The following MCF2L2 variants were observed in gnomAD, a reference collection of about 807,000 sequenced individuals.
The protein encoded by MCF2L2 is probable guanine nucleotide exchange factor MCF2L2.
A neutral mutation model predicts 150.2 loss-of-function variants in MCF2L2; 102 were observed. The observed-to-expected ratio is 0.68, with a 90% CI of 0.58 to 0.80. The LOEUF is 0.80. Among genes scored for constraint, MCF2L2 ranks in the 30% least tolerant of loss-of-function variants. The pLI is 0.00. For missense variants in MCF2L2, 1,256 were observed against 1,372.8 expected, an observed-to-expected ratio of 0.91 and a Z score of 1.34; for synonymous variants, 465 against 491.3, an observed-to-expected ratio of 0.95 and a Z score of 0.71.
intron 17 of MCF2L2, among the ~76,000 whole-genome samples, chr3:183,228,725 T>C (rs531449075): frequency 1.3e-4 from 20 of 152,148 alleles, no homozygotes; most frequent in Non-Finnish European, 2.6e-4. Flanking sequence ...GCTGTTCGGG[T>C]AATTCTAAGC....
intron 15 of MCF2L2, among the ~76,000 whole-genome samples, chr3:183,261,049 T>C (rs538917298): frequency 1.3e-5 from 2 of 152,368 alleles, no homozygotes; most frequent in Non-Finnish European, 2.9e-5. Context: ...TGCAAAGATA[T>C]CTAATGTTTC....
At chr3:183,299,827 G>A (rs1372385327) in intron 11 of MCF2L2, 178 bp downstream of exon 11, 15 of 612,178 alleles carry the variant, frequency 2.5e-5, no homozygotes, top group South Asian at 8.9e-5. Context: ...TTTTACCTTC[G>A]TGCCAGGTAT....
At position 183,276,805 on chromosome 3, in the gene MCF2L2, G is replaced by A. The variant is rs1009007683; in HGVS notation, c.1862+67C>T. ...GAAAGACAGGTGCTGAGGTGTAAAA[G>A]AGAGGATCCTCGCCACCCATGCCCC... is the stretch of plus-strand genomic sequence containing the variant. On this transcript the variant is annotated intron_variant, in intron 15 of 29. Coordinates refer to ENST00000328913, the MANE Select transcript of MCF2L2 (RefSeq NM_015078.4). 58 of 1,088,356 alleles carry A rather than the reference G, an allele frequency of 5.3e-5. No individual in the cohort carries two copies. The African/African-American group carries it at 8.7e-4, about 16-fold the overall frequency. The allele number at this position is 1,088,356 out of a possible 1,614,324, so 67.4% of individuals were successfully genotyped here.
intron 3 of MCF2L2, among the ~76,000 whole-genome samples, chr3:183,363,103 C>CAT (rs922149565): frequency 2.0e-5 from 3 of 151,968 alleles, no homozygotes; most frequent in Non-Finnish European, 4.4e-5. Context: ...GAGATACTAC[C>CAT]ATATATATAT....
chr3:183,359,004 T>TTTTTG (rs1711963908), intron 3 of MCF2L2, among the ~76,000 whole-genome samples: 1 of 96,322 alleles, frequency 1.0e-5, no homozygotes, highest in African/African-American at 5.1e-5. Flanking sequence ...GTTCATTGGG[T>TTTTTG]TTTTTTTTTT....
chr3:183,271,511 T>G (rs1308577569), intron 15 of MCF2L2: 1 of 167,118 alleles, frequency 6.0e-6, no homozygotes, highest in African/African-American at 2.4e-5. Flanking sequence ...ACCACATCCA[T>G]GTAGCTACTG....
At chr3:183,364,589 A>T (rs1712417416) in intron 3 of MCF2L2, among the ~76,000 whole-genome samples, 2 of 152,148 alleles carry the variant, frequency 1.3e-5, no homozygotes, top group African/African-American at 4.8e-5. Flanking sequence ...AATAGATCTA[A>T]TTAGTAAATC....
At chr3:183,323,408 A>C in intron 5 of MCF2L2, 57 bp from the exon 6 acceptor site, 1 of 820,750 alleles carries the variant, frequency 1.2e-6, no homozygotes, top group Non-Finnish European at 2.1e-6. Flanking sequence ...ATAATAGCTC[A>C]TTTACATTCT....
At chr3:183,289,566 T>G (rs1728001241) in intron 13 of MCF2L2, among the ~76,000 whole-genome samples, 1 of 152,080 alleles carries the variant, frequency 6.6e-6, no homozygotes, top group Non-Finnish European at 1.5e-5. Flanking sequence ...AGCTAAAAGG[T>G]CACTTTTGGC....
At chr3:183,299,682 T>C in intron 11 of MCF2L2, 4 of 275,716 alleles carry the variant, frequency 1.5e-5, no homozygotes, top group South Asian at 9.0e-5. Context: ...TGCTTGGTTC[T>C]CTGTACACCT....
chr3:183,254,873 C>T (rs998087683), intron 15 of MCF2L2: 5 of 152,274 alleles, frequency 3.3e-5, no homozygotes, highest in African/African-American at 1.2e-4. Flanking sequence ...TTGACTCTGC[C>T]TCATTTCATT....
chr3:183,359,003 G>GTTT (rs111465269), intron 3 of MCF2L2, among the ~76,000 whole-genome samples: 7,965 of 143,256 alleles, frequency 0.056, 255 homozygotes, highest in East Asian at 0.13. Context: ...AGTTCATTGG[G>GTTT]TTTTTTTTTT....
rs1382347318 is a variant in MCF2L2 at position 183,270,376 on chromosome 3, A to C, written c.1862+6496T>G. 9 of 1,614,232 alleles carry C rather than the reference A, an allele frequency of 5.6e-6. No individual in the cohort carries two copies. The highest frequency in any genetic ancestry group is 7.6e-6 in the Non-Finnish European group (9 of 1,180,032). ...CATGCCAAATTTCTTATGACTGCTG[A>C]TGATGACATATTTATTCACATGCCA... is the stretch of plus-strand genomic sequence containing the variant. On this transcript the variant is annotated intron_variant, in intron 15 of 29. Coordinates refer to ENST00000328913, the MANE Select transcript of MCF2L2 (RefSeq NM_015078.4). This position sits in a 1 kb window ranked among gnomAD's most constrained non-coding sequence, Gnocchi z 4.5.
At chr3:183,192,848 T>C in intron 27 of MCF2L2, 151 bp downstream of exon 27, 1 of 583,824 alleles carries the variant, frequency 1.7e-6, no homozygotes, top group Non-Finnish European at 3.1e-6. Flanking sequence ...AGGAAATTGA[T>C]TTTAAACCAC....
intron 9 of MCF2L2, 112 bp downstream of exon 9, chr3:183,310,803 G>C: frequency 1.4e-6 from 1 of 697,754 alleles, no homozygotes; most frequent in Non-Finnish European, 2.4e-6. Flanking sequence ...GAGATAAGGA[G>C]AAAGCTGGAT....
intron 27 of MCF2L2, among the ~76,000 whole-genome samples, chr3:183,187,455 A>AT (rs985080597): frequency 1.3e-4 from 19 of 151,902 alleles, no homozygotes; most frequent in Non-Finnish European, 2.4e-4. Flanking sequence ...TATAACCTTT[A>AT]TTTTTTTTAT....
At chr3:183,223,313 C>T in intron 20 of MCF2L2, 33 bp downstream of exon 20, 1 of 1,541,028 alleles carries the variant, frequency 6.5e-7, no homozygotes, top group Admixed American at 1.7e-5. Context: ...TCTGGTTTCC[C>T]ACCAAGGAAA....
chr3:183,338,460 A>AG lies in MCF2L2; in HGVS notation c.486+339_486+340insC, dbSNP rs534110498. The stretch of plus-strand genomic sequence containing the variant: ...GAAACTCTATCTCAAAAAAAAAAAA[A>AG]AAAAAGAAAAAGAAAAAAGAAAACC... On this transcript the variant is annotated intron_variant, in intron 5 of 29. Transcript: ENST00000328913. Among the ~76,000 whole-genome samples the AG allele has an allele frequency of 6.1e-3, 917 of 151,054 alleles. 3 individuals carry two copies. The highest frequency in any genetic ancestry group is 8.5e-3 in the Non-Finnish European group (579 of 67,742).
intron 14 of MCF2L2, among the ~76,000 whole-genome samples, chr3:183,284,056 T>C (rs558919207): frequency 1.3e-5 from 2 of 152,320 alleles, no homozygotes; most frequent in East Asian, 3.9e-4. Flanking sequence ...GCAATTGCCT[T>C]AGTATATATT....
Sources: gnomAD v4.1 joint callset for allele counts (sites outside exome capture counted in the v4.1 genomes callset) on GRCh38, gnomAD v4.1.1 for gene constraint, Gnocchi (gnomAD v3.1) non-coding constraint, MANE v1.5 for transcripts, NCBI Gene and HGNC (gene_info 2026-07-23, HGNC 2026-07-21) for gene names.